PRKCA: variants seen among roughly 807,000 people sequenced by gnomAD.
The protein encoded by PRKCA is protein kinase C alpha.
In PRKCA, 27 loss-of-function variants were observed where a neutral mutation model predicts 87.0. The ratio of observed to expected loss-of-function variants is 0.31; its 90% CI spans 0.23 to 0.43. The LOEUF (loss-of-function observed/expected upper bound fraction) is 0.43, where lower values mean the gene tolerates loss of function less well. PRKCA is among the 20% of genes least tolerant of loss of function. PRKCA has a pLI of 1.00. For synonymous variants in PRKCA, 329 were observed against 311.1 expected (o/e 1.06, Z -0.61); for missense variants, 518 against 852.3 (o/e 0.61, Z 4.88).
chr17:66,411,465 CAAAA>C lies in PRKCA; in HGVS notation c.206-84733_206-84730del, dbSNP rs536994043. Among the ~76,000 whole-genome samples the C allele has an allele frequency of 2.5e-3, 382 of 152,138 alleles. 1 individual carries two copies. Among genetic ancestry groups the C allele is most frequent in the African/African-American group, 7.9e-3 (328 of 41,506 alleles). ...TGTACTTATTGTTTTGTTAAAAAAA[CAAAA>C]AACCATGAAAACCCATCCTGAAGTT... On this transcript the variant is annotated intron_variant, in intron 2 of 16. Transcript: ENST00000413366.
intron 2 of PRKCA, among the ~76,000 whole-genome samples, chr17:66,437,217 G>A (rs1913443283): frequency 6.6e-6 from 1 of 152,190 alleles, no homozygotes; most frequent in Admixed American, 6.5e-5. Flanking sequence ...TGCTGAGCAG[G>A]TGGAGAGGAC....
chr17:66,747,009 A>G (rs1974305243), intron 13 of PRKCA, among the ~76,000 whole-genome samples: 2 of 151,984 alleles, frequency 1.3e-5, no homozygotes, highest in South Asian at 4.1e-4. Flanking sequence ...CTGTGTCCCG[A>G]GAACCCCCTA....
intron 2 of PRKCA, among the ~76,000 whole-genome samples, chr17:66,341,855 C>A (rs1456222451): frequency 6.6e-6 from 1 of 152,044 alleles, no homozygotes; most frequent in African/African-American, 2.4e-5. Context: ...TGCAGTTTAC[C>A]AAGAAAGGCT....
chr17:66,457,974 C>T (rs77067078), intron 2 of PRKCA, among the ~76,000 whole-genome samples: 3,216 of 152,146 alleles, frequency 0.021, 45 homozygotes, highest in South Asian at 0.054. Context: ...AGCCTGATAT[C>T]CTCATGGGCT....
intron 3 of PRKCA, among the ~76,000 whole-genome samples, chr17:66,575,537 A>G (rs1191738524): frequency 1.3e-5 from 2 of 152,060 alleles, no homozygotes; most frequent in African/African-American, 2.4e-5. Context: ...CCGAGATCGC[A>G]TCCTTGCACT....
At chr17:66,438,795 C>T (rs1913553770) in intron 2 of PRKCA, among the ~76,000 whole-genome samples, 2 of 152,108 alleles carry the variant, frequency 1.3e-5, no homozygotes, top group African/African-American at 4.8e-5. Context: ...GGGGAAGCCC[C>T]TTATAAAACC....
rs575509970 is a variant in PRKCA at position 66,700,821 on chromosome 17, G to A, written c.918+11774G>A. Among the ~76,000 whole-genome samples, 11 of 152,196 alleles carry A rather than the reference G, an allele frequency of 7.2e-5. No homozygotes were observed. In the East Asian group the frequency reaches 9.6e-4, roughly 13 times the overall value. The stretch of plus-strand genomic sequence containing the variant: ...ATACCTAAATAAATGGGAAGATATC[G>A]CCTGTTCCTGGATTGGAAGAATTAA... On this transcript the variant is annotated intron_variant, in intron 8 of 16. Coordinates refer to ENST00000413366, the MANE Select transcript of PRKCA (RefSeq NM_002737.3).
At chr17:66,377,261 G>GT (rs1472568569) in intron 2 of PRKCA, among the ~76,000 whole-genome samples, 5 of 152,044 alleles carry the variant, frequency 3.3e-5, no homozygotes, top group Non-Finnish European at 5.9e-5. Context: ...TTGACCTCAG[G>GT]TGATCCTCCT....
chr17:66,354,155 T>C (rs1271499958), intron 2 of PRKCA, among the ~76,000 whole-genome samples: 2 of 152,228 alleles, frequency 1.3e-5, no homozygotes, highest in Non-Finnish European at 1.5e-5. Flanking sequence ...TTGGTTGGTG[T>C]GTATCTCCAG....
At chr17:66,459,347 C>CTCCA (rs1176353501) in intron 2 of PRKCA, among the ~76,000 whole-genome samples, 9 of 152,192 alleles carry the variant, frequency 5.9e-5, no homozygotes, top group Non-Finnish European at 8.8e-5. Flanking sequence ...TGTTATTGCA[C>CTCCA]TCCAGCCTGG....
chr17:66,756,302 C>T (rs937038505), intron 13 of PRKCA, among the ~76,000 whole-genome samples: 6 of 152,110 alleles, frequency 3.9e-5, no homozygotes, highest in Admixed American at 1.3e-4. Context: ...GAAGAAGGGA[C>T]ATCCCCGATT....
At chr17:66,415,664 A>G (rs1343399680) in intron 2 of PRKCA, 2 of 152,066 alleles carry the variant, frequency 1.3e-5, no homozygotes, top group Middle Eastern at 3.2e-3. Context: ...AGCTTCAAAG[A>G]AAAAAAAGTG....
chr17:66,742,604 T>C lies in PRKCA; in HGVS notation c.1386-18T>C. On this transcript the variant is annotated intron_variant, in intron 12 of 16. Transcript: ENST00000413366. ...TATGTCATGGGAAGGACTCTGATGT[T>C]AACCCGGTTCCTTGCAGGGATCTGA... The C allele has an allele frequency of 1.9e-6, 3 of 1,612,968 alleles. No individual in the cohort carries two copies. Among genetic ancestry groups the C allele is most frequent in the Non-Finnish European group, 2.5e-6 (3 of 1,179,448 alleles).
At chr17:66,684,183 C>G (rs11868882) in intron 5 of PRKCA, among the ~76,000 whole-genome samples, 24,212 of 152,240 alleles carry the variant, frequency 0.16, 2,464 homozygotes, top group Non-Finnish European at 0.22. Flanking sequence ...AGATTGTTCT[C>G]CACCAGTAAC....
At chr17:66,477,518 G>A (rs973720491) in intron 2 of PRKCA, among the ~76,000 whole-genome samples, 1 of 152,072 alleles carries the variant, frequency 6.6e-6, no homozygotes, top group Admixed American at 6.5e-5. Context: ...TGGCCAACAC[G>A]GTGAAACCCC....
At chr17:66,343,308 T>C (rs570893920) in intron 2 of PRKCA, among the ~76,000 whole-genome samples, 1 of 152,324 alleles carries the variant, frequency 6.6e-6, no homozygotes, top group Admixed American at 6.5e-5. Context: ...ATCCATTTCC[T>C]CTCTGCCATG....
intron 3 of PRKCA, among the ~76,000 whole-genome samples, chr17:66,515,441 A>G (rs1005672058): frequency 6.6e-6 from 1 of 152,202 alleles, no homozygotes; most frequent in African/African-American, 2.4e-5. Flanking sequence ...ATTCTGTCAC[A>G]TGACGTCATG....
chr17:66,779,932 A>G (rs943279276), intron 14 of PRKCA, among the ~76,000 whole-genome samples: 7 of 152,178 alleles, frequency 4.6e-5, no homozygotes, highest in African/African-American at 1.7e-4. Context: ...CGTTACCCCC[A>G]TGGTCCCCAG....
In PRKCA at chr17:66,517,896, C is replaced by T. The variant is rs9897383; in HGVS notation, c.288+21613C>T. Among the ~76,000 whole-genome samples the T allele has an allele frequency of 3.5e-3, 531 of 152,238 alleles. 1 individual carries two copies. Among genetic ancestry groups the T allele is most frequent in the African/African-American group, 0.01 (428 of 41,568 alleles). On this transcript the variant is annotated intron_variant, in intron 3 of 16. Coordinates refer to ENST00000413366, the MANE Select transcript of PRKCA (RefSeq NM_002737.3). Reference sequence around the variant, plus strand: ...TCTGTGTCTGTGTTGATGACCATAACGTGGACCATCTAACAGCTAGGATAT... The same window carrying T: ...TCTGTGTCTGTGTTGATGACCATAATGTGGACCATCTAACAGCTAGGATAT...
Sources: gnomAD v4.1 joint callset for allele counts (sites outside exome capture counted in the v4.1 genomes callset) on GRCh38, gnomAD v4.1.1 for gene constraint, MANE v1.5 for transcripts, NCBI Gene and HGNC (gene_info 2026-07-23, HGNC 2026-07-21) for gene names.